The following PPP2R2B variants were observed in gnomAD, a reference collection of about 807,000 sequenced individuals.
PPP2R2B encodes the protein protein phosphatase 2 regulatory subunit Bbeta.
A neutral mutation model predicts 46.0 loss-of-function variants in PPP2R2B; 5 were observed. That is an observed-to-expected ratio of 0.11 (90% CI 0.06 to 0.23). The LOEUF (loss-of-function observed/expected upper bound fraction) is 0.23. Among genes scored for constraint, PPP2R2B ranks in the 10% least tolerant of loss-of-function variants. The probability of loss-of-function intolerance (pLI) is 1.00; values close to 1 mark genes in which losing one functional copy is unlikely to be tolerated. For missense variants in PPP2R2B, 367 were observed against 575.0 expected (o/e 0.64, Z 3.70); for synonymous variants, 215 against 206.7 (o/e 1.04, Z -0.34).
intron 5 of PPP2R2B, among the ~76,000 whole-genome samples, chr5:146,675,564 A>G (rs1368554427): frequency 6.6e-6 from 1 of 152,190 alleles, no homozygotes; most frequent in African/African-American, 2.4e-5. Flanking sequence ...ACATATAGCA[A>G]GTGCAATATT....
chr5:146,742,878 C>G (rs776895301), intron 2 of PPP2R2B, among the ~76,000 whole-genome samples: 1 of 151,994 alleles, frequency 6.6e-6, no homozygotes, highest in Non-Finnish European at 1.5e-5. Flanking sequence ...GCGATGAAGG[C>G]GAAGGCAGAG....
chr5:146,983,886 C>T (rs930421575), intron 1 of PPP2R2B, among the ~76,000 whole-genome samples: 1 of 151,678 alleles, frequency 6.6e-6, no homozygotes, highest in Admixed American at 6.6e-5. Context: ...TGGCTGATAA[C>T]AAATTGTCTT....
chr5:146,988,682 C>T (rs779710333), intron 1 of PPP2R2B, among the ~76,000 whole-genome samples: 1 of 151,684 alleles, frequency 6.6e-6, no homozygotes, highest in Non-Finnish European at 1.5e-5. Flanking sequence ...CTGAAATAAA[C>T]AACCTAACAT....
intron 2 of PPP2R2B, among the ~76,000 whole-genome samples, chr5:147,076,624 C>T (rs1219780986): frequency 6.6e-6 from 1 of 151,948 alleles, no homozygotes; most frequent in Non-Finnish European, 1.5e-5. Context: ...GGTTTCTTCC[C>T]ACAAGTCTAT....
chr5:146,909,903 C>A (rs563177793), intron 1 of PPP2R2B, among the ~76,000 whole-genome samples: 1 of 152,208 alleles, frequency 6.6e-6, no homozygotes, highest in Admixed American at 6.5e-5. Flanking sequence ...AGGACTACCC[C>A]TATGGCTAAT....
intron 2 of PPP2R2B, among the ~76,000 whole-genome samples, chr5:146,741,036 A>AC (rs1045048608): frequency 1.1e-4 from 1 of 9,244 alleles, no homozygotes; most frequent in African/African-American, 2.2e-4. Context: ...ACTCCGTCTC[A>AC]AAAAAAAAAA....
intron 1 of PPP2R2B, among the ~76,000 whole-genome samples, chr5:146,915,357 C>T (rs1033821152): frequency 3.3e-5 from 5 of 152,080 alleles, no homozygotes; most frequent in Non-Finnish European, 5.9e-5. Context: ...AAACATTCTT[C>T]TTACAGCCCT....
chr5:146,880,645 C>G (rs1464614032), upstream of PPP2R2B, among the ~76,000 whole-genome samples: 1 of 152,120 alleles, frequency 6.6e-6, no homozygotes, highest in Non-Finnish European at 1.5e-5. Context: ...GAATCAAGGG[C>G]TAGATTGGGA....
intron 1 of PPP2R2B, among the ~76,000 whole-genome samples, chr5:146,979,558 AACAC>A (rs34864782): frequency 0.042 from 5,715 of 137,194 alleles, 288 homozygotes; most frequent in African/African-American, 0.12. Flanking sequence ...CCCACCTTGA[AACAC>A]ACACACACAC....
Position 146,585,965 on chromosome 5 carries a change from T to C in PPP2R2B, c.*3982A>G, listed in dbSNP as rs944336006. 6.6e-6 allele frequency: 1 copy of C among 152,212 alleles called. No individual in the cohort carries two copies. The highest frequency in any genetic ancestry group is 2.1e-4 in the South Asian group (1 of 4,830). 9.4% of individuals were successfully genotyped at this position (152,212 alleles called of 1,614,324 possible). A position where few individuals can be genotyped will look rare whatever the true frequency, so the allele number is the denominator to read the frequency against. The stretch of plus-strand genomic sequence containing the variant: ...TTCCTGTCTCCCAGTCTCATCCTTT[T>C]TCCACTGACCAGGTTGGTTGCTCCC... On this transcript the variant is annotated 3_prime_UTR_variant, in exon 10 of 10. Coordinates refer to ENST00000394411, the MANE Select transcript of PPP2R2B (RefSeq NM_181675.4).
intron 2 of PPP2R2B, among the ~76,000 whole-genome samples, chr5:146,845,495 C>T (rs1176843022): frequency 5.3e-5 from 8 of 151,950 alleles, no homozygotes; most frequent in African/African-American, 1.4e-4. Flanking sequence ...CCTCGTGATC[C>T]GCCCGCCTCG....
chr5:146,937,494 G>A (rs866372060), intron 1 of PPP2R2B, among the ~76,000 whole-genome samples: 1 of 152,118 alleles, frequency 6.6e-6, no homozygotes. Context: ...AAGTACTGTG[G>A]AAGAACTGTG....
intron 1 of PPP2R2B, among the ~76,000 whole-genome samples, chr5:146,897,798 T>TA (rs1561503436): frequency 7.6e-6 from 1 of 131,444 alleles, no homozygotes; most frequent in East Asian, 2.4e-4. Flanking sequence ...AAGGAAAACA[T>TA]AGAGAATAAG....
intron 2 of PPP2R2B, among the ~76,000 whole-genome samples, chr5:146,821,749 T>C (rs775125840): frequency 6.6e-6 from 1 of 151,924 alleles, no homozygotes; most frequent in Non-Finnish European, 1.5e-5. Flanking sequence ...ATTAAAACTA[T>C]TTAGACCTCA....
Position 146,878,239 on chromosome 5 carries a change from C to A in PPP2R2B, c.-124-44G>T, listed in dbSNP as rs746129087. 4 of 1,521,832 alleles carry A rather than the reference C, an allele frequency of 2.6e-6. No homozygotes were observed. Among genetic ancestry groups the A allele is most frequent in the South Asian group, 1.2e-5 (1 of 80,278 alleles). The allele number at this position is 1,521,832 out of a possible 1,614,324, so 94.3% of individuals were successfully genotyped here. ...GGCGGAGAGAAAAAAAATAAAAACCCGGCAATGGAGCTGTCACCTCCTCCA... is the reference window on the plus strand; with the variant it reads ...GGCGGAGAGAAAAAAAATAAAAACCAGGCAATGGAGCTGTCACCTCCTCCA... On this transcript the variant is annotated intron_variant, in intron 1 of 9. Transcript: ENST00000394411. The surrounding 1 kb of genome is among the most constrained non-coding windows in gnomAD (Gnocchi z 4.5).
intron 2 of PPP2R2B, chr5:146,706,507 A>G: frequency 8.4e-7 from 1 of 1,188,778 alleles, no homozygotes; most frequent in Non-Finnish European, 1.2e-6. Flanking sequence ...AGCTTCTGGT[A>G]GGCACGCAGC....
chr5:146,788,591 C>T (rs1006521281), intron 2 of PPP2R2B, among the ~76,000 whole-genome samples: 6 of 152,036 alleles, frequency 3.9e-5, no homozygotes, highest in Admixed American at 6.5e-5. Context: ...ATTAGCCAGG[C>T]GTGGTGGCAC....
At chr5:146,829,419 TA>T (rs1176803815) in intron 2 of PPP2R2B, among the ~76,000 whole-genome samples, 1 of 152,134 alleles carries the variant, frequency 6.6e-6, no homozygotes, top group African/African-American at 2.4e-5. Context: ...AAAATGATAT[TA>T]AAAAATGGGT....
intron 1 of PPP2R2B, among the ~76,000 whole-genome samples, chr5:146,980,581 T>A (rs2151854608): frequency 1.3e-5 from 2 of 152,276 alleles, no homozygotes; most frequent in South Asian, 4.1e-4. Flanking sequence ...GAACTAAATG[T>A]GAGTTGAATC....
Sources: allele counts gnomAD v4.1 joint callset (sites outside exome capture counted in the v4.1 genomes callset), GRCh38; gene constraint gnomAD v4.1.1; non-coding constraint Gnocchi (gnomAD v3.1); transcripts MANE v1.5; gene names NCBI Gene and HGNC (gene_info 2026-07-23, HGNC 2026-07-21).